RACGAP1: variants seen among roughly 807,000 people sequenced by gnomAD.
RACGAP1 encodes rac GTPase-activating protein 1.
Under a neutral mutation model 78.1 loss-of-function variants are expected in RACGAP1, and 30 were observed. That is an observed-to-expected ratio of 0.38 (90% CI 0.29 to 0.52). The LOEUF (loss-of-function observed/expected upper bound fraction) is 0.52. RACGAP1 is among the 20% of genes least tolerant of loss of function. The pLI, the probability that RACGAP1 is intolerant of heterozygous loss-of-function variation, is 0.82. For synonymous variants in RACGAP1, 231 were observed against 264.8 expected, an observed-to-expected ratio of 0.87 and a Z score of 1.24; for missense variants, 587 against 777.1, an observed-to-expected ratio of 0.76 and a Z score of 2.91.
At chr12:50,029,659 C>T (rs370919464), upstream of RACGAP1, among the ~76,000 whole-genome samples, 3 of 151,646 alleles carry the variant, frequency 2.0e-5, no homozygotes, top group African/African-American at 7.3e-5. Flanking sequence ...TTTGGGAGGC[C>T]GAGGTGGGCA....
intron 1 of RACGAP1, among the ~76,000 whole-genome samples, chr12:50,022,386 C>A (rs1290300571): frequency 6.6e-6 from 1 of 152,126 alleles, no homozygotes; most frequent in East Asian, 1.9e-4. Context: ...AGTTTGAGAC[C>A]AGCCTGATCA....
rs149574224 is a variant in RACGAP1, at chr12:50,005,327, G to A, written c.354C>T (p.Ser118=). Residue 118 remains serine, a synonymous_variant, in exon 4 of 17, where the codon AGC becomes AGT. Transcript: ENST00000312377. ...AAGCCAGAGCTGATTTTTGCTCCTC[G>A]CTTAGTTGAATGCTGCCAGATGTGT... The part of the protein sequence containing the change: ...MCDTSGSIQL[S]EEQKSALAFL... The A allele has an allele frequency of 1.9e-5, 30 of 1,614,058 alleles. No individual in the cohort carries two copies. The highest frequency in any genetic ancestry group is 4.0e-5 in the African/African-American group (3 of 74,930).
At position 49,999,920 on chromosome 12, in the gene RACGAP1, C is replaced by T. The variant is rs527509383; in HGVS notation, c.631-187G>A. On this transcript the variant is annotated intron_variant, in intron 7 of 16. Transcript: ENST00000312377. ...AGGCTGGAGAACAGTGGCGTGATCTCGGCTCACTGCAACCTCCGCCTCCCA... is the reference window on the plus strand; with the variant it reads ...AGGCTGGAGAACAGTGGCGTGATCTTGGCTCACTGCAACCTCCGCCTCCCA... Among the ~76,000 whole-genome samples, 264 of 152,050 alleles carry T rather than the reference C, an allele frequency of 1.7e-3. 7 individuals are homozygous for T. Among genetic ancestry groups the T allele is most frequent in the South Asian group, 3.1e-3 (15 of 4,806 alleles).
Position 49,999,633 on chromosome 12 carries a change from C to T in RACGAP1, c.731G>A (p.Arg244Lys). The change falls in exon 8 of 17, where the codon AGG becomes AAG. Residue 244 changes from arginine (R) to lysine (K), a missense_variant. Arg to Lys is a conservative substitution (Grantham distance 26). Transcript: ENST00000312377. ...CAATGGACCTGTTTTCCTTCGGCTC[C>T]TGGTCCAATATGGCACAGTCTCAAT... ...STIETVPYWT[R>K]SRRKTGTLQP... The T allele has an allele frequency of 6.2e-7, 1 of 1,614,012 alleles. No homozygotes were observed. Among genetic ancestry groups the T allele is most frequent in the Non-Finnish European group, 8.5e-7 (1 of 1,179,858 alleles).
intron 15 of RACGAP1, among the ~76,000 whole-genome samples, chr12:49,991,456 A>ATT (rs1947833652): frequency 3.2e-4 from 11 of 34,542 alleles, no homozygotes; most frequent in African/African-American, 4.8e-4. Flanking sequence ...TATTTAAACT[A>ATT]TTATATATAT....
chr12:50,005,862 C>T lies in RACGAP1; in HGVS notation c.289-470G>A, dbSNP rs560058061. Among the ~76,000 whole-genome samples, 37 of 152,272 alleles carry T rather than the reference C, an allele frequency of 2.4e-4. 1 individual carries two copies. Among genetic ancestry groups the T allele is most frequent in the Admixed American group, 2.2e-3 (34 of 15,294 alleles). On this transcript the variant is annotated intron_variant, in intron 3 of 16. Transcript: ENST00000312377. ...TACTGAGGCATCTAACACTGTATAC[C>T]AAGATGGATTAGTCCCTCCCAGTAA...
At chr12:50,031,072 G>A (rs958316041) in intron 2 of RACGAP1, among the ~76,000 whole-genome samples, 4 of 150,966 alleles carry the variant, frequency 2.6e-5, no homozygotes, top group South Asian at 2.1e-4. Context: ...CACCGCGCCC[G>A]GCCAATTTTT....
upstream of RACGAP1, among the ~76,000 whole-genome samples, chr12:50,027,383 A>G (rs1475182772): frequency 6.6e-6 from 1 of 152,208 alleles, no homozygotes; most frequent in Admixed American, 6.5e-5. Flanking sequence ...AATTAATCCT[A>G]TCTGGGGAGT....
chr12:49,989,982 C>G lies in RACGAP1; in HGVS notation c.*286G>C. On this transcript the variant is annotated 3_prime_UTR_variant, in exon 17 of 17. Coordinates refer to ENST00000312377, the MANE Select transcript of RACGAP1 (RefSeq NM_001319999.2). ...CCAAAGGAACAATAACCCCCTTCCC[C>G]AAAAAGAATCACAACCAATTCCATA... is the stretch of plus-strand genomic sequence containing the variant. 2 of 327,646 alleles carry G rather than the reference C, an allele frequency of 6.1e-6. No homozygotes were observed. The highest frequency in any genetic ancestry group is 1.2e-4 in the South Asian group (1 of 8,462). 20.3% of individuals were successfully genotyped at this position (327,646 alleles called of 1,614,324 possible). A position where few individuals can be genotyped will look rare whatever the true frequency, so the allele number is the denominator to read the frequency against.
intron 1 of RACGAP1, chr12:50,018,373 G>A (rs1949800040): frequency 3.8e-5 from 17 of 447,436 alleles, no homozygotes; most frequent in South Asian, 3.4e-4. Flanking sequence ...AAGCTGCTAA[G>A]CAACCAGACC....
chr12:49,997,272 C>CCT, intron 9 of RACGAP1, 68 bp from the exon 10 acceptor site: 1 of 1,159,486 alleles, frequency 8.6e-7, no homozygotes, highest in Non-Finnish European at 1.1e-6. Context: ...AATCAACTAA[C>CCT]TTTTTTTTTT....
At position 49,991,478 on chromosome 12, in the gene RACGAP1, TA is replaced by T. The variant is rs1284126602; in HGVS notation, c.1714+519del. On this transcript the variant is annotated intron_variant, in intron 15 of 16. Coordinates refer to ENST00000312377, the MANE Select transcript of RACGAP1 (RefSeq NM_001319999.2). ...ACTATTATATATATATATATATATA[TA>T]TTTTTTTTTTTTTTTTTTTTTTTTT... 1.3e-3 allele frequency among the ~76,000 whole-genome samples: 56 copies of T among 42,686 alleles called. 2 individuals carry two copies. The highest frequency in any genetic ancestry group is 4.0e-3 in the African/African-American group (49 of 12,376). The allele number at this position is 42,686 out of a possible 152,430, so 28.0% of individuals were successfully genotyped here. A position where few individuals can be genotyped will look rare whatever the true frequency, so the allele number is the denominator to read the frequency against.
Position 50,002,366 on chromosome 12 carries a change from A to C in RACGAP1, c.496-66T>G, listed in dbSNP as rs1948735614. On this transcript the variant is annotated intron_variant, in intron 5 of 16. Transcript: ENST00000312377. ...GGCCATCCCTAAACCCTGTGCAAATAAATTTACAGAGAACTTTAAAGGCTT... is the reference window on the plus strand; with the variant it reads ...GGCCATCCCTAAACCCTGTGCAAATCAATTTACAGAGAACTTTAAAGGCTT... 32 of 1,390,152 alleles carry C rather than the reference A, an allele frequency of 2.3e-5. 1 individual carries two copies. Among genetic ancestry groups the C allele is most frequent in the Middle Eastern group, 3.6e-4 (2 of 5,504 alleles). 86.1% of individuals were successfully genotyped at this position (1,390,152 alleles called of 1,614,324 possible). A position where few individuals can be genotyped will look rare whatever the true frequency, so the allele number is the denominator to read the frequency against.
rs190779098 is a variant in RACGAP1 at position 50,019,204 on chromosome 12, G to A, written c.-4-2485C>T. On this transcript the variant is annotated intron_variant, in intron 1 of 16. Transcript: ENST00000312377. ...CCCACCCCCTTATCACTTGCAGGTT[G>A]TCACCACTCACTTCAATTGCACTCC... Among the ~76,000 whole-genome samples the A allele has an allele frequency of 4.3e-4, 66 of 152,136 alleles. No homozygotes were observed. The East Asian group carries it at 0.012, about 28-fold the overall frequency.
chr12:50,008,909 G>A (rs1949139465), intron 2 of RACGAP1, among the ~76,000 whole-genome samples: 1 of 152,186 alleles, frequency 6.6e-6, no homozygotes, highest in African/African-American at 2.4e-5. Context: ...CAATAATCAT[G>A]GCACTGTTTT....
At chr12:50,009,982 G>A (rs1949212615) in intron 2 of RACGAP1, among the ~76,000 whole-genome samples, 1 of 152,132 alleles carries the variant, frequency 6.6e-6, no homozygotes, top group Admixed American at 6.5e-5. Context: ...AAAAAATCCT[G>A]TCTCTGAAAC....
At chr12:49,995,929 A>C (rs535910712) in intron 10 of RACGAP1, among the ~76,000 whole-genome samples, 111 of 152,368 alleles carry the variant, frequency 7.3e-4, no homozygotes, top group African/African-American at 2.5e-3. Context: ...ATTTTATCAC[A>C]GATAAAATTA....
At chr12:50,017,947 A>C (rs536824398) in intron 1 of RACGAP1, among the ~76,000 whole-genome samples, 1 of 152,310 alleles carries the variant, frequency 6.6e-6, no homozygotes, top group African/African-American at 2.4e-5. Flanking sequence ...ACTTGAGGTC[A>C]GGAGTTCGAG....
intron 2 of RACGAP1, among the ~76,000 whole-genome samples, chr12:50,015,495 C>T (rs190907990): frequency 2.6e-5 from 4 of 152,108 alleles, no homozygotes; most frequent in Admixed American, 2.6e-4. Flanking sequence ...AATAGGGAGA[C>T]CTTATCTCTA....
Sources: gnomAD v4.1 joint callset for allele counts (sites outside exome capture counted in the v4.1 genomes callset) on GRCh38, gnomAD v4.1.1 for gene constraint, MANE v1.5 for transcripts, NCBI Gene and HGNC (gene_info 2026-07-23, HGNC 2026-07-21) for gene names.